SNTG1: variants seen among roughly 807,000 people sequenced by gnomAD.
SNTG1 encodes the protein gamma-1-syntrophin.
A neutral mutation model predicts 74.7 loss-of-function variants in SNTG1; 39 were observed. That is an observed-to-expected ratio of 0.52 (90% CI 0.40 to 0.68). The LOEUF (loss-of-function observed/expected upper bound fraction) is 0.68, where lower values mean the gene tolerates loss of function less well. Ranked by LOEUF, SNTG1 falls within the 30% of genes least tolerant of loss-of-function variation. SNTG1 has a pLI of 0.00. For synonymous variants in SNTG1, 254 were observed against 217.1 expected (o/e 1.17, Z -1.49); for missense variants, 685 against 609.5 (o/e 1.12, Z -1.30).
At chr8:50,464,193 A>AGG (rs1394302669) in intron 8 of SNTG1, among the ~76,000 whole-genome samples, 12 of 152,178 alleles carry the variant, frequency 7.9e-5, no homozygotes, top group African/African-American at 2.7e-4. Context: ...ATCAGCAATA[A>AGG]GCTTGTCTCA....
intron 8 of SNTG1, among the ~76,000 whole-genome samples, chr8:50,475,511 C>T (rs1206419741): frequency 6.6e-6 from 1 of 152,092 alleles, no homozygotes; most frequent in African/African-American, 2.4e-5. Flanking sequence ...GCTGAAATGG[C>T]CAAATGCCAG....
chr8:50,350,047 G>A lies in SNTG1; in HGVS notation c.-27-44165G>A, dbSNP rs6986376. ...AGGCCTGCCGGCCGGGCAATGAGGG[G>A]CTTAGCACCCTGGCCAGCGGCTGCA... On this transcript the variant is annotated intron_variant, in intron 2 of 18. Transcript: ENST00000642720. Among the ~76,000 whole-genome samples, 585 of 152,300 alleles carry A rather than the reference G, an allele frequency of 3.8e-3. 6 individuals carry two copies. Among genetic ancestry groups the A allele is most frequent in the African/African-American group, 0.012 (516 of 41,572 alleles).
chr8:49,986,718 C>A (rs80150276), intron 1 of SNTG1, among the ~76,000 whole-genome samples: 844 of 137,506 alleles, frequency 6.1e-3, no homozygotes, highest in Non-Finnish European at 8.0e-3. Context: ...ACAAAAAGTA[C>A]AAAAAAAAAA....
At chr8:50,287,293 C>T (rs777462867) in intron 2 of SNTG1, among the ~76,000 whole-genome samples, 25 of 152,152 alleles carry the variant, frequency 1.6e-4, no homozygotes, top group Non-Finnish European at 2.8e-4. Context: ...TTACCAAAAG[C>T]TGTAGTTGTC....
rs573607850 is a variant in SNTG1 at position 50,773,338 on chromosome 8, G to T, written c.1396-19333G>T. Among the ~76,000 whole-genome samples the T allele has an allele frequency of 7.4e-4, 113 of 152,184 alleles. 3 individuals are homozygous for T. In the South Asian group the frequency reaches 0.023, roughly 31 times the overall value. ...CTAGAAGGGCACATGAATGTGCCGA[G>T]CTATGCACATGATGAGAAAAGATGC... On this transcript the variant is annotated intron_variant, in intron 18 of 18. Transcript: ENST00000642720.
chr8:50,362,437 A>C (rs904639448), intron 2 of SNTG1, among the ~76,000 whole-genome samples: 1 of 152,162 alleles, frequency 6.6e-6, no homozygotes, highest in African/African-American at 2.4e-5. Flanking sequence ...AGTATTGGAC[A>C]CTTCAAAGAA....
At chr8:50,617,813 T>TTATA (rs2131023894) in intron 13 of SNTG1, among the ~76,000 whole-genome samples, 1 of 152,308 alleles carries the variant, frequency 6.6e-6, no homozygotes, top group East Asian at 1.9e-4. Flanking sequence ...TTCTATACAA[T>TTATA]GTCTGTAATT....
In SNTG1 at chr8:50,603,593, A is replaced by G. The variant is rs371234486; in HGVS notation, c.849+12676A>G. 8.6e-5 allele frequency among the ~76,000 whole-genome samples: 13 copies of G among 152,010 alleles called. 1 individual carries two copies. Among genetic ancestry groups the G allele is most frequent in the African/African-American group, 2.9e-4 (12 of 41,398 alleles). On this transcript the variant is annotated intron_variant, in intron 13 of 18. Transcript: ENST00000642720. Reference sequence around the variant, plus strand: ...TATGGAGGTTTGTCAGCATCTGGGCATTGAAAATTTGGATATTTATTGTAG... The same window carrying G: ...TATGGAGGTTTGTCAGCATCTGGGCGTTGAAAATTTGGATATTTATTGTAG...
At chr8:50,360,982 A>C (rs1391928023) in intron 2 of SNTG1, among the ~76,000 whole-genome samples, 1 of 152,168 alleles carries the variant, frequency 6.6e-6, no homozygotes, top group Non-Finnish European at 1.5e-5. Context: ...ATCTTACTGT[A>C]ATTTTTCACT....
At chr8:50,340,449 G>A (rs1383103159) in intron 2 of SNTG1, among the ~76,000 whole-genome samples, 1 of 151,914 alleles carries the variant, frequency 6.6e-6, no homozygotes, top group African/African-American at 2.4e-5. Context: ...TCTTGACAAA[G>A]GAGCAAAGAC....
At chr8:50,772,923 T>C (rs1213778410) in intron 18 of SNTG1, among the ~76,000 whole-genome samples, 1 of 152,122 alleles carries the variant, frequency 6.6e-6, no homozygotes, top group African/African-American at 2.4e-5. Context: ...GTGATCTCTT[T>C]GGACATGCCC....
intron 4 of SNTG1, among the ~76,000 whole-genome samples, chr8:50,435,613 T>G (rs2093293724): frequency 6.6e-6 from 1 of 152,176 alleles, no homozygotes; most frequent in Non-Finnish European, 1.5e-5. Flanking sequence ...TGCTTCCTGC[T>G]GCCTGCAGTG....
intron 1 of SNTG1, among the ~76,000 whole-genome samples, chr8:50,113,578 T>C (rs998840610): frequency 3.3e-5 from 5 of 152,138 alleles, no homozygotes; most frequent in African/African-American, 1.2e-4. Context: ...CCTTTATTTC[T>C]TTCTCCTGCC....
chr8:50,741,223 C>T (rs1437231195), intron 17 of SNTG1, among the ~76,000 whole-genome samples: 1 of 152,014 alleles, frequency 6.6e-6, no homozygotes. Context: ...CTCCTGGGTT[C>T]AAGCAATTCT....
chr8:50,173,770 C>T (rs2082891900), intron 2 of SNTG1, among the ~76,000 whole-genome samples: 1 of 151,916 alleles, frequency 6.6e-6, no homozygotes, highest in Non-Finnish European at 1.5e-5. Context: ...AGATTGATTT[C>T]CCTCACCCAA....
At chr8:50,385,968 C>T (rs573338994) in intron 2 of SNTG1, among the ~76,000 whole-genome samples, 1 of 152,130 alleles carries the variant, frequency 6.6e-6, no homozygotes, top group Non-Finnish European at 1.5e-5. Flanking sequence ...CTTTTGAGTC[C>T]TCGATGATAG....
rs1440316767 is a variant in SNTG1 at position 50,502,828 on chromosome 8, T to A, written c.414T>A (p.Phe138Leu). The change falls in exon 9 of 19, where the codon TTT becomes TTA. Residue 138 changes from phenylalanine (F) to leucine (L), a missense_variant. By Grantham distance (22) the Phe-to-Leu change is conservative. Transcript: ENST00000642720. ...AGEEVTLTVS[F>L]LKRAPAFLKL... is the part of the protein sequence containing the mutation. The stretch of plus-strand genomic sequence containing the variant: ...AAGAAGTGACTCTAACAGTGTCATT[T>A]TTAAAAAGAGCACCTGCTTTCCTCA... 6.2e-7 allele frequency: 1 copy of A among 1,613,558 alleles called. No homozygotes were observed. Among genetic ancestry groups the A allele is most frequent in the Non-Finnish European group, 8.5e-7 (1 of 1,179,676 alleles).
chr8:50,155,851 G>A (rs530226226), intron 1 of SNTG1, among the ~76,000 whole-genome samples: 1 of 151,930 alleles, frequency 6.6e-6, no homozygotes, highest in African/African-American at 2.4e-5. Flanking sequence ...AAAGACAAAA[G>A]TTGTTTGAAA....
intron 2 of SNTG1, among the ~76,000 whole-genome samples, chr8:50,209,243 C>T (rs1288929306): frequency 6.6e-6 from 1 of 152,068 alleles, no homozygotes; most frequent in African/African-American, 2.4e-5. Context: ...CTGGATGGAG[C>T]CCACTGCAGC....
Sources: gnomAD v4.1 joint callset for allele counts (sites outside exome capture counted in the v4.1 genomes callset) on GRCh38, gnomAD v4.1.1 for gene constraint, MANE v1.5 for transcripts, NCBI Gene and HGNC (gene_info 2026-07-23, HGNC 2026-07-21) for gene names.